Variants in CSNK1D observed in about 807,000 individuals in gnomAD.
The protein encoded by CSNK1D is casein kinase I isoform delta.
CSNK1D carries 16 observed loss-of-function variants against 46.6 expected under a neutral mutation model. The observed-to-expected ratio is 0.34, with a 90% CI of 0.23 to 0.52. The LOEUF (loss-of-function observed/expected upper bound fraction) is 0.52. Ranked by LOEUF, CSNK1D falls within the 20% of genes least tolerant of loss-of-function variation. CSNK1D has a pLI of 0.95. For synonymous variants in CSNK1D, 276 were observed against 228.2 expected, an observed-to-expected ratio of 1.21 and a Z score of -1.89; for missense variants, 398 against 578.4, an observed-to-expected ratio of 0.69 and a Z score of 3.20.
In CSNK1D at chr17:82,273,094, G is replaced by A; in HGVS notation, c.76+212C>T. ...CTCCAGACCCTGCTCCCCCGACCTG[G>A]TCCTGCCCCTCCCCCACGTCCGCTC... is the stretch of plus-strand genomic sequence containing the variant. On this transcript the variant is annotated intron_variant, in intron 1 of 8. Transcript: ENST00000314028. This position sits in a 1 kb window ranked among gnomAD's most constrained non-coding sequence, Gnocchi z 5.1. 1.8e-6 allele frequency: 1 copy of A among 570,170 alleles called. No homozygotes were observed. Among genetic ancestry groups the A allele is most frequent in the Non-Finnish European group, 3.1e-6 (1 of 324,006 alleles). The allele number at this position is 570,170 out of a possible 1,614,324, so 35.3% of individuals were successfully genotyped here.
chr17:82,248,711 G>T lies in CSNK1D; in HGVS notation c.1197+164C>A. The T allele has an allele frequency of 6.9e-7, 1 of 1,456,554 alleles. No homozygotes were observed. The highest frequency in any genetic ancestry group is 9.0e-7 in the Non-Finnish European group (1 of 1,105,200). The allele number at this position is 1,456,554 out of a possible 1,614,324, so 90.2% of individuals were successfully genotyped here. A position where few individuals can be genotyped will look rare whatever the true frequency, so the allele number is the denominator to read the frequency against. ...CCCAGCATGTCTCCCAGGCCCTCCC[G>T]AGAAGCCTCATCTGCAACCAAGACG... On this transcript the variant is annotated intron_variant, in intron 8 of 8. Coordinates refer to ENST00000314028, the MANE Select transcript of CSNK1D (RefSeq NM_001893.6). The surrounding 1 kb of genome is among the most constrained non-coding windows in gnomAD (Gnocchi z 4.1).
At chr17:82,257,117 G>A (rs998699583) in intron 2 of CSNK1D, among the ~76,000 whole-genome samples, 6 of 151,972 alleles carry the variant, frequency 3.9e-5, no homozygotes, top group African/African-American at 1.5e-4. Context: ...GCGCCACCAT[G>A]CCCAGCTCAT....
chr17:82,240,316 AAGACGAGGAGGCAGGGAGC>A (rs1000543732), downstream of CSNK1D, among the ~76,000 whole-genome samples: 99 of 152,178 alleles, frequency 6.5e-4, no homozygotes, highest in Non-Finnish European at 2.2e-4. Flanking sequence ...TGAAGGGAGA[AAGACGAGGAGGCAGGGAGC>A]AGACGAGGAG....
intron 1 of CSNK1D, among the ~76,000 whole-genome samples, chr17:82,271,365 C>T (rs142200456): frequency 2.6e-5 from 4 of 152,314 alleles, no homozygotes; most frequent in South Asian, 2.1e-4. Context: ...CCACCACACC[C>T]GGCCCAAAAT....
chr17:82,265,878 A>G, intron 1 of CSNK1D, 82 bp from the exon 2 acceptor site: 1 of 1,172,552 alleles, frequency 8.5e-7, no homozygotes, highest in South Asian at 1.2e-5. Context: ...AACAAGCACT[A>G]TGTGTTTTCC....
chr17:82,241,386 C>A (rs2050740089), downstream of CSNK1D, among the ~76,000 whole-genome samples: 1 of 152,246 alleles, frequency 6.6e-6, no homozygotes, highest in African/African-American at 2.4e-5. Flanking sequence ...AGGGCCTGCT[C>A]TTTTCAGCGT....
At chr17:82,267,897 C>T (rs1483686014) in intron 1 of CSNK1D, among the ~76,000 whole-genome samples, 1 of 152,256 alleles carries the variant, frequency 6.6e-6, no homozygotes, top group Non-Finnish European at 1.5e-5. Context: ...ACTAGCATCT[C>T]TCACTCCACT....
At chr17:82,241,624 G>A (rs1395699656), downstream of CSNK1D, among the ~76,000 whole-genome samples, 1 of 152,246 alleles carries the variant, frequency 6.6e-6, no homozygotes, top group Admixed American at 6.5e-5. Flanking sequence ...GCCGGTGAGC[G>A]GGGCAGGGGC....
intron 2 of CSNK1D, among the ~76,000 whole-genome samples, chr17:82,260,650 C>T (rs1273107443): frequency 1.4e-5 from 2 of 143,802 alleles, no homozygotes; most frequent in African/African-American, 2.8e-5. Context: ...TGATGGTGTA[C>T]TGACTGATGT....
At chr17:82,265,625 G>A in intron 2 of CSNK1D, 61 bp downstream of exon 2, 1 of 1,304,776 alleles carries the variant, frequency 7.7e-7, no homozygotes, top group Non-Finnish European at 1.1e-6. Context: ...GCAATGCTGA[G>A]TTGCTGTTCT....
chr17:82,247,263 G>T, intron 8 of CSNK1D: 1 of 985,418 alleles, frequency 1.0e-6, no homozygotes, highest in Non-Finnish European at 1.2e-6. Flanking sequence ...GCTCACCATG[G>T]AAGGAGACAC....
Position 82,250,426 on chromosome 17 carries a change from C to T in CSNK1D, c.886-824G>A, listed in dbSNP as rs1222040883. The T allele has an allele frequency of 5.7e-6, 2 of 351,460 alleles. No individual in the cohort carries two copies. The highest frequency in any genetic ancestry group is 7.8e-5 in the East Asian group (1 of 12,900). 21.8% of individuals were successfully genotyped at this position (351,460 alleles called of 1,614,324 possible). ...AGCCTGCTCTGAGGGCCGGGTGACTCTAATGCCGCAGGAGGGTCGCTCTGA... is the reference window on the plus strand; with the variant it reads ...AGCCTGCTCTGAGGGCCGGGTGACTTTAATGCCGCAGGAGGGTCGCTCTGA... On this transcript the variant is annotated intron_variant, in intron 6 of 8. Transcript: ENST00000314028. The surrounding 1 kb of genome is among the most constrained non-coding windows in gnomAD (Gnocchi z 4.6).
intron 2 of CSNK1D, among the ~76,000 whole-genome samples, chr17:82,261,539 T>C (rs1046170127): frequency 1.3e-5 from 2 of 152,204 alleles, no homozygotes; most frequent in Admixed American, 6.5e-5. Context: ...TTTTCAGCAG[T>C]TGAACCCTAA....
rs573320065 is a variant in CSNK1D at position 82,243,123 on chromosome 17, G to A, written c.*1658C>T. The A allele has an allele frequency of 2.4e-5, 24 of 985,414 alleles. No individual in the cohort carries two copies. In the Admixed American group the frequency reaches 2.5e-4, roughly 10 times the overall value. 61.0% of individuals were successfully genotyped at this position (985,414 alleles called of 1,614,324 possible). On this transcript the variant is annotated 3_prime_UTR_variant, in exon 9 of 9. Coordinates refer to ENST00000314028, the MANE Select transcript of CSNK1D (RefSeq NM_001893.6). ...CGCTCAAGGCCCCGTACTCCAAAACGCTTACACAGTAACCAGCCTAGGATT... is the reference window on the plus strand; with the variant it reads ...CGCTCAAGGCCCCGTACTCCAAAACACTTACACAGTAACCAGCCTAGGATT...
chr17:82,245,705 C>T (rs372150084), intron 8 of CSNK1D: 14 of 478,576 alleles, frequency 2.9e-5, no homozygotes, highest in African/African-American at 1.2e-4. Flanking sequence ...CAACGGCACA[C>T]GGAACGCAGT....
In CSNK1D at chr17:82,250,910, A is replaced by G. The variant is rs962798552; in HGVS notation, c.885+469T>C. 1 of 247,278 alleles carries G rather than the reference A, an allele frequency of 4.0e-6. No homozygotes were observed. The highest frequency in any genetic ancestry group is 1.0e-4 in the East Asian group (1 of 9,586). 15.3% of individuals were successfully genotyped at this position (247,278 alleles called of 1,614,324 possible). A position where few individuals can be genotyped will look rare whatever the true frequency, so the allele number is the denominator to read the frequency against. ...CTGCCTGTTTTAGAGGCTCCACTGCATACTCACACCGCATCAAGAAAGCCA... is the reference window on the plus strand; with the variant it reads ...CTGCCTGTTTTAGAGGCTCCACTGCGTACTCACACCGCATCAAGAAAGCCA... On this transcript the variant is annotated intron_variant, in intron 6 of 8. Coordinates refer to ENST00000314028, the MANE Select transcript of CSNK1D (RefSeq NM_001893.6). The surrounding 1 kb of genome is among the most constrained non-coding windows in gnomAD (Gnocchi z 4.6).
intron 1 of CSNK1D, chr17:82,267,104 G>T (rs1332501299): frequency 6.8e-6 from 1 of 147,880 alleles, no homozygotes; most frequent in African/African-American, 2.5e-5. Context: ...CTTCCCAACA[G>T]CGTGGCTATG....
At chr17:82,256,616 A>C (rs1165893760) in intron 2 of CSNK1D, among the ~76,000 whole-genome samples, 1 of 152,236 alleles carries the variant, frequency 6.6e-6, no homozygotes, top group East Asian at 1.9e-4. Context: ...AGATTCTCAG[A>C]GAGATGGAAA....
chr17:82,273,173 G>A lies in CSNK1D; in HGVS notation c.76+133C>T, dbSNP rs551496935. 2.0e-4 allele frequency: 192 copies of A among 951,064 alleles called. 1 individual carries two copies. In the African/African-American group the frequency reaches 2.4e-3, roughly 12 times the overall value. 58.9% of individuals were successfully genotyped at this position (951,064 alleles called of 1,614,324 possible). A position where few individuals can be genotyped will look rare whatever the true frequency, so the allele number is the denominator to read the frequency against. On this transcript the variant is annotated intron_variant, in intron 1 of 8. Coordinates refer to ENST00000314028, the MANE Select transcript of CSNK1D (RefSeq NM_001893.6). The surrounding 1 kb of genome is among the most constrained non-coding windows in gnomAD (Gnocchi z 5.1). Reference sequence around the variant, plus strand: ...CTAGCCTAGTGGCCGTTGGGTTCTGGCCACGATCCGGCGGTGCCGGGACTT... The same window carrying A: ...CTAGCCTAGTGGCCGTTGGGTTCTGACCACGATCCGGCGGTGCCGGGACTT...
Sources: allele counts gnomAD v4.1 joint callset (sites outside exome capture counted in the v4.1 genomes callset), GRCh38; gene constraint gnomAD v4.1.1; non-coding constraint Gnocchi (gnomAD v3.1); transcripts MANE v1.5; gene names NCBI Gene and HGNC (gene_info 2026-07-23, HGNC 2026-07-21).